EPHA3: variants seen among roughly 807,000 people sequenced by gnomAD.
EPHA3 encodes EPH receptor A3.
In EPHA3, 42 loss-of-function variants were observed where a neutral mutation model predicts 107.1. That is an observed-to-expected ratio of 0.39 (90% CI 0.31 to 0.51). The LOEUF (loss-of-function observed/expected upper bound fraction) is 0.51, where lower values mean the gene tolerates loss of function less well. Among genes scored for constraint, EPHA3 ranks in the 20% least tolerant of loss-of-function variants. The probability of loss-of-function intolerance (pLI) is 0.78; values close to 1 mark genes in which losing one functional copy is unlikely to be tolerated. For synonymous variants in EPHA3, 461 were observed against 424.8 expected (o/e 1.09, Z -1.05); for missense variants, 1,183 against 1,211.2 (o/e 0.98, Z 0.35).
intron 2 of EPHA3, among the ~76,000 whole-genome samples, chr3:89,135,607 T>C (rs1042148135): frequency 9.9e-5 from 15 of 151,876 alleles, no homozygotes; most frequent in East Asian, 5.8e-4. Flanking sequence ...TTTAATGGCA[T>C]AAAATTAAGT....
intron 2 of EPHA3, among the ~76,000 whole-genome samples, chr3:89,207,093 T>C (rs1706123467): frequency 6.6e-6 from 1 of 152,178 alleles, no homozygotes; most frequent in African/African-American, 2.4e-5. Context: ...AACTAGAAGT[T>C]TTTAAACTGT....
chr3:89,227,483 A>G (rs1704528144), intron 3 of EPHA3, among the ~76,000 whole-genome samples: 1 of 152,032 alleles, frequency 6.6e-6, no homozygotes, highest in African/African-American at 2.4e-5. Flanking sequence ...GAAGTAAAGA[A>G]CTTGTACGTT....
intron 2 of EPHA3, among the ~76,000 whole-genome samples, chr3:89,136,267 T>C (rs1312652596): frequency 6.7e-6 from 1 of 148,264 alleles, no homozygotes; most frequent in Non-Finnish European, 1.5e-5. Flanking sequence ...TTTCACCTAT[T>C]ATGCTGACCT....
At chr3:89,440,730 C>G (rs533094084) in intron 13 of EPHA3, among the ~76,000 whole-genome samples, 49 of 152,286 alleles carry the variant, frequency 3.2e-4, no homozygotes, top group African/African-American at 9.4e-4. Flanking sequence ...CTCAACTAAT[C>G]CTGGAGTGGA....
intron 13 of EPHA3, among the ~76,000 whole-genome samples, chr3:89,448,424 A>C (rs1346689429): frequency 1.3e-5 from 2 of 152,208 alleles, no homozygotes; most frequent in African/African-American, 4.8e-5. Flanking sequence ...AGTTTCACCC[A>C]AATTAACTAG....
At chr3:89,329,832 C>T (rs116185928) in intron 3 of EPHA3, among the ~76,000 whole-genome samples, 3,113 of 152,020 alleles carry the variant, frequency 0.02, 109 homozygotes, top group African/African-American at 0.068. Flanking sequence ...CCCACCTTCA[C>T]TGGGAGAGGG....
At chr3:89,472,682 G>T in intron 16 of EPHA3, 63 bp downstream of exon 16, 18 of 891,224 alleles carry the variant, frequency 2.0e-5, no homozygotes, top group Admixed American at 3.1e-5. Context: ...GGCTTGACAT[G>T]AAAGATTTGT....
chr3:89,479,659 A>T lies in EPHA3; in HGVS notation c.*157A>T, dbSNP rs543971439. Reference sequence around the variant, plus strand: ...AAATGCCTTAAAATGGAATTGAAAAACTCTTTATTTTCCCCTATCATTTAT... The same window carrying T: ...AAATGCCTTAAAATGGAATTGAAAATCTCTTTATTTTCCCCTATCATTTAT... On this transcript the variant is annotated 3_prime_UTR_variant, in exon 17 of 17. Coordinates refer to ENST00000336596, the MANE Select transcript of EPHA3 (RefSeq NM_005233.6). The T allele has an allele frequency of 2.1e-4, 109 of 520,532 alleles. No individual in the cohort carries two copies. Among genetic ancestry groups the T allele is most frequent in the South Asian group, 8.9e-4 (23 of 25,966 alleles). 32.2% of individuals were successfully genotyped at this position (520,532 alleles called of 1,614,324 possible).
At chr3:89,419,891 C>A (rs1484624113) in intron 11 of EPHA3, among the ~76,000 whole-genome samples, 1 of 151,272 alleles carries the variant, frequency 6.6e-6, no homozygotes, top group Non-Finnish European at 1.5e-5. Context: ...TCACAATAGA[C>A]CCAAGGCCGT....
intron 7 of EPHA3, among the ~76,000 whole-genome samples, chr3:89,402,764 C>G (rs1455046622): frequency 6.6e-6 from 1 of 152,046 alleles, no homozygotes; most frequent in Non-Finnish European, 1.5e-5. Flanking sequence ...GGTGAGATCT[C>G]AGCTCCCTAC....
At chr3:89,437,749 G>T (rs1403872589) in intron 13 of EPHA3, among the ~76,000 whole-genome samples, 1 of 152,098 alleles carries the variant, frequency 6.6e-6, no homozygotes, top group Non-Finnish European at 1.5e-5. Flanking sequence ...GTTTTATACA[G>T]GATCAAGTTA....
intron 5 of EPHA3, among the ~76,000 whole-genome samples, 185 bp downstream of exon 5, chr3:89,342,275 A>G (rs2107421790): frequency 6.6e-6 from 1 of 152,160 alleles, no homozygotes; most frequent in African/African-American, 2.4e-5. Flanking sequence ...AATAAACCAT[A>G]TTTGTTAGGT....
intron 3 of EPHA3, among the ~76,000 whole-genome samples, chr3:89,248,796 T>G (rs1240572812): frequency 6.6e-6 from 1 of 152,182 alleles, no homozygotes; most frequent in East Asian, 1.9e-4. Context: ...ATGTGCAGAT[T>G]TGGAAAAGAA....
At chr3:89,424,376 A>G (rs1470220658) in intron 11 of EPHA3, among the ~76,000 whole-genome samples, 2 of 151,386 alleles carry the variant, frequency 1.3e-5, no homozygotes, top group African/African-American at 4.8e-5. Flanking sequence ...ATTCCTGATA[A>G]AGGTATGTAA....
At chr3:89,370,352 T>C (rs1252813386) in intron 5 of EPHA3, among the ~76,000 whole-genome samples, 20 of 151,908 alleles carry the variant, frequency 1.3e-4, no homozygotes, top group Non-Finnish European at 2.4e-4. Context: ...TTCATGTCCT[T>C]TTTAGGGACA....
chr3:89,297,678 G>T (rs1358046765), intron 3 of EPHA3, among the ~76,000 whole-genome samples: 2 of 152,274 alleles, frequency 1.3e-5, no homozygotes, highest in Middle Eastern at 3.4e-3. Context: ...TTGATGCAAG[G>T]TTGCCACAAA....
chr3:89,269,642 T>C (rs1387640947), intron 3 of EPHA3, among the ~76,000 whole-genome samples: 7 of 151,008 alleles, frequency 4.6e-5, no homozygotes, highest in African/African-American at 1.7e-4. Flanking sequence ...TTAGGGTACA[T>C]GTGCACATTG....
At chr3:89,137,230 T>G (rs1704333247) in intron 2 of EPHA3, among the ~76,000 whole-genome samples, 1 of 151,952 alleles carries the variant, frequency 6.6e-6, no homozygotes, top group Non-Finnish European at 1.5e-5. Context: ...CTTCCAAATG[T>G]TCTTTTGTAT....
chr3:89,370,321 G>A (rs1164983474), intron 5 of EPHA3, among the ~76,000 whole-genome samples: 1 of 151,798 alleles, frequency 6.6e-6, no homozygotes, highest in African/African-American at 2.4e-5. Context: ...GGAATACTAT[G>A]CAGCCATAAA....
Sources: gnomAD v4.1 joint callset for allele counts (sites outside exome capture counted in the v4.1 genomes callset) on GRCh38, gnomAD v4.1.1 for gene constraint, MANE v1.5 for transcripts, NCBI Gene and HGNC (gene_info 2026-07-23, HGNC 2026-07-21) for gene names.